The following PHACTR1 variants were observed in gnomAD, a reference collection of about 807,000 sequenced individuals.
The protein encoded by PHACTR1 is RPEL repeat containing 1.
In PHACTR1, 16 loss-of-function variants were observed where a neutral mutation model predicts 69.2. That is an observed-to-expected ratio of 0.23 (90% CI 0.16 to 0.35). The LOEUF is 0.35. Ranked by LOEUF, PHACTR1 falls within the 10% of genes least tolerant of loss-of-function variation. The pLI is 1.00. For missense variants in PHACTR1, 510 were observed against 734.7 expected (o/e 0.69, Z 3.54); for synonymous variants, 312 against 284.5 (o/e 1.10, Z -0.97).
chr6:12,955,514 G>A (rs1464296895), intron 4 of PHACTR1, among the ~76,000 whole-genome samples: 5 of 152,100 alleles, frequency 3.3e-5, no homozygotes, highest in East Asian at 1.9e-4. Context: ...CTATTGAACA[G>A]TGCTGGTCTA....
At chr6:13,083,298 G>A (rs10456596) in intron 5 of PHACTR1, among the ~76,000 whole-genome samples, 97,369 of 151,246 alleles carry the variant, frequency 0.64, 35,204 homozygotes, top group East Asian at 0.93. Context: ...TGTTCCATTG[G>A]TCTATATCTC....
chr6:12,853,155 G>T (rs1461398384), intron 4 of PHACTR1, among the ~76,000 whole-genome samples: 1 of 152,116 alleles, frequency 6.6e-6, no homozygotes, highest in Non-Finnish European at 1.5e-5. Flanking sequence ...CAACTGTCAA[G>T]AAACAAACAT....
intron 4 of PHACTR1, among the ~76,000 whole-genome samples, chr6:12,964,248 C>T (rs72820846): frequency 4.6e-5 from 7 of 152,036 alleles, no homozygotes; most frequent in Non-Finnish European, 1.0e-4. Context: ...GCTACTCATA[C>T]CTATTCAGGG....
At chr6:12,914,201 T>C (rs549795410) in intron 4 of PHACTR1, among the ~76,000 whole-genome samples, 2 of 152,272 alleles carry the variant, frequency 1.3e-5, no homozygotes, top group East Asian at 3.9e-4. Flanking sequence ...GGTTTCACCA[T>C]GTTGGCCAGG....
chr6:13,256,454 T>C (rs773923532), intron 10 of PHACTR1, among the ~76,000 whole-genome samples: 3 of 152,246 alleles, frequency 2.0e-5, no homozygotes, highest in Non-Finnish European at 4.4e-5. Context: ...AAAATGGGCT[T>C]TTCTTTTCTA....
At chr6:13,217,125 A>G (rs1228723473) in intron 8 of PHACTR1, among the ~76,000 whole-genome samples, 1 of 152,234 alleles carries the variant, frequency 6.6e-6, no homozygotes, top group East Asian at 1.9e-4. Flanking sequence ...AATATCTATA[A>G]TGACTAATTT....
intron 4 of PHACTR1, among the ~76,000 whole-genome samples, chr6:13,006,016 A>G (rs1342934772): frequency 2.0e-5 from 3 of 152,210 alleles, no homozygotes; most frequent in African/African-American, 7.2e-5. Flanking sequence ...AAGGCCAATT[A>G]TCATTAGCTG....
At chr6:13,161,518 T>C (rs867325716) in intron 6 of PHACTR1, among the ~76,000 whole-genome samples, 1 of 148,378 alleles carries the variant, frequency 6.7e-6, no homozygotes, top group African/African-American at 2.5e-5. Flanking sequence ...GTGGGCCAGA[T>C]TATTAAATCA....
intron 4 of PHACTR1, among the ~76,000 whole-genome samples, chr6:12,884,754 C>T (rs1582280413): frequency 6.6e-6 from 1 of 152,064 alleles, no homozygotes; most frequent in East Asian, 1.9e-4. Context: ...ATCATTCATT[C>T]ATTCATTCAC....
At chr6:12,776,168 A>T (rs145383608) in intron 4 of PHACTR1, among the ~76,000 whole-genome samples, 3,410 of 152,300 alleles carry the variant, frequency 0.022, 56 homozygotes, top group Middle Eastern at 0.048. Context: ...TTTAAATGGG[A>T]TATTTTTAAA....
intron 4 of PHACTR1, among the ~76,000 whole-genome samples, chr6:12,897,052 G>T (rs186189773): frequency 1.4e-4 from 21 of 152,218 alleles, no homozygotes; most frequent in African/African-American, 4.8e-4. Flanking sequence ...TGGAAATGTT[G>T]GACCAAAATA....
At chr6:13,041,339 T>TACAC (rs368368056) in intron 4 of PHACTR1, among the ~76,000 whole-genome samples, 17,809 of 135,246 alleles carry the variant, frequency 0.13, 1,250 homozygotes, top group Middle Eastern at 0.18. Flanking sequence ...TTAAAATACA[T>TACAC]ACACACACAC....
At chr6:13,176,418 C>T (rs1376960318) in intron 6 of PHACTR1, among the ~76,000 whole-genome samples, 1 of 152,182 alleles carries the variant, frequency 6.6e-6, no homozygotes, top group Non-Finnish European at 1.5e-5. Flanking sequence ...TTCTCTAATT[C>T]CTAGCAAGGT....
intron 4 of PHACTR1, among the ~76,000 whole-genome samples, chr6:12,977,035 G>A (rs1363090532): frequency 5.9e-5 from 9 of 152,156 alleles, no homozygotes; most frequent in East Asian, 3.9e-4. Flanking sequence ...GTGCAATCTC[G>A]GCTCACTGCA....
At chr6:12,746,309 G>A (rs1332578958) in intron 3 of PHACTR1, among the ~76,000 whole-genome samples, 2 of 152,182 alleles carry the variant, frequency 1.3e-5, no homozygotes, top group Non-Finnish European at 2.9e-5. Flanking sequence ...TGAATTGGGC[G>A]GATTGCTTGA....
chr6:13,117,625 G>T (rs1042138344), intron 5 of PHACTR1, among the ~76,000 whole-genome samples: 2 of 152,200 alleles, frequency 1.3e-5, no homozygotes, highest in African/African-American at 4.8e-5. Context: ...TCAAGGAGCT[G>T]GGTTATATGT....
chr6:12,765,126 C>G (rs1355769922), intron 4 of PHACTR1, among the ~76,000 whole-genome samples: 1 of 152,168 alleles, frequency 6.6e-6, no homozygotes, highest in African/African-American at 2.4e-5. Context: ...TTTCAAACAA[C>G]TCAGGCAAGA....
chr6:13,066,881 A>G (rs1280830623), intron 5 of PHACTR1, among the ~76,000 whole-genome samples: 3 of 152,176 alleles, frequency 2.0e-5, no homozygotes, highest in Non-Finnish European at 4.4e-5. Flanking sequence ...AGGCTTAGGT[A>G]CAACATTGGC....
chr6:13,131,224 C>T (rs1346708897), intron 5 of PHACTR1, among the ~76,000 whole-genome samples: 1 of 57,360 alleles, frequency 1.7e-5, no homozygotes, highest in Non-Finnish European at 4.0e-5. Context: ...CACACACACA[C>T]ACACACACAC....
Sources: gnomAD v4.1 joint callset for allele counts (sites outside exome capture counted in the v4.1 genomes callset) on GRCh38, gnomAD v4.1.1 for gene constraint, MANE v1.5 for transcripts, NCBI Gene and HGNC (gene_info 2026-07-23, HGNC 2026-07-21) for gene names.